The following KCND2 variants were observed in gnomAD, a reference collection of about 807,000 sequenced individuals.
The protein encoded by KCND2 is A-type voltage-gated potassium channel KCND2.
A neutral mutation model predicts 54.4 loss-of-function variants in KCND2; 16 were observed. That is an observed-to-expected ratio of 0.29 (90% CI 0.20 to 0.45). KCND2 has a LOEUF of 0.45. KCND2 is among the 20% of genes least tolerant of loss of function. The probability of loss-of-function intolerance (pLI) is 1.00; values close to 1 mark genes in which losing one functional copy is unlikely to be tolerated. For synonymous variants in KCND2, 317 were observed against 310.7 expected, an observed-to-expected ratio of 1.02 and a Z score of -0.21; for missense variants, 486 against 824.2, an observed-to-expected ratio of 0.59 and a Z score of 5.02.
intron 1 of KCND2, among the ~76,000 whole-genome samples, chr7:120,335,355 C>CAAAAAA (rs35404512): frequency 3.4e-5 from 2 of 58,398 alleles, no homozygotes; most frequent in African/African-American, 1.4e-4. Flanking sequence ...AAGACTCTAT[C>CAAAAAA]AAAAAAAAAA....
At chr7:120,579,104 G>T (rs1792479299) in intron 1 of KCND2, among the ~76,000 whole-genome samples, 1 of 151,814 alleles carries the variant, frequency 6.6e-6, no homozygotes, top group Non-Finnish European at 1.5e-5. Context: ...TGTTATTTAA[G>T]TTAAATGAAG....
intron 1 of KCND2, among the ~76,000 whole-genome samples, chr7:120,462,213 GT>G (rs138425653): frequency 8.3e-5 from 12 of 143,778 alleles, no homozygotes; most frequent in South Asian, 2.2e-4. Context: ...ATTCTTTTTT[GT>G]TTTTTTTTTG....
At chr7:120,508,690 T>G (rs1803065218) in intron 1 of KCND2, among the ~76,000 whole-genome samples, 1 of 152,014 alleles carries the variant, frequency 6.6e-6, no homozygotes, top group African/African-American at 2.4e-5. Context: ...CTTCACTGCA[T>G]AATGTTAATT....
intron 1 of KCND2, among the ~76,000 whole-genome samples, chr7:120,407,622 G>A (rs1011836862): frequency 3.8e-4 from 58 of 151,706 alleles, no homozygotes; most frequent in Admixed American, 3.3e-3. Context: ...TTACTATAAA[G>A]TTTATAATGC....
intron 1 of KCND2, among the ~76,000 whole-genome samples, chr7:120,427,463 A>G (rs1430990977): frequency 6.6e-6 from 1 of 152,232 alleles, no homozygotes; most frequent in Non-Finnish European, 1.5e-5. Flanking sequence ...AACATTCTTC[A>G]GACTATTAAC....
intron 1 of KCND2, among the ~76,000 whole-genome samples, chr7:120,301,618 C>T (rs1049019271): frequency 3.3e-5 from 5 of 151,914 alleles, no homozygotes; most frequent in African/African-American, 1.2e-4. Context: ...GGTTGCATGG[C>T]AGCCTAGTTT....
chr7:120,563,988 A>C (rs1301295155), intron 1 of KCND2, among the ~76,000 whole-genome samples: 1 of 152,196 alleles, frequency 6.6e-6, no homozygotes, highest in African/African-American at 2.4e-5. Context: ...CTTAAAGACA[A>C]AGTGTTTGTC....
intron 1 of KCND2, among the ~76,000 whole-genome samples, chr7:120,580,488 C>G (rs1792501386): frequency 6.6e-6 from 1 of 152,174 alleles, no homozygotes; most frequent in African/African-American, 2.4e-5. Flanking sequence ...AACTTGAAAA[C>G]TGGCAGAACC....
intron 1 of KCND2, among the ~76,000 whole-genome samples, chr7:120,486,512 A>G (rs1277527594): frequency 1.3e-5 from 2 of 152,244 alleles, no homozygotes; most frequent in East Asian, 3.9e-4. Flanking sequence ...GTACAGGGGA[A>G]GAGGACCAGA....
chr7:120,566,193 TGGA>T (rs1453317486), intron 1 of KCND2, among the ~76,000 whole-genome samples: 1 of 152,198 alleles, frequency 6.6e-6, no homozygotes, highest in Non-Finnish European at 1.5e-5. Flanking sequence ...GAGTTGTTCA[TGGA>T]TTGGGGAATA....
Position 120,594,759 on chromosome 7 carries a change from C to T in KCND2, c.1116-138144C>T, listed in dbSNP as rs541740021. On this transcript the variant is annotated intron_variant, in intron 1 of 5. Transcript: ENST00000331113. ...ACTGGAAGCCGGGTACTGTGGCTCA[C>T]GTCTGTAATCCCAGCACTTTGGGAG... Among the ~76,000 whole-genome samples, 24 of 152,238 alleles carry T rather than the reference C, an allele frequency of 1.6e-4. No homozygotes were observed. In the South Asian group the frequency reaches 3.5e-3, roughly 22 times the overall value.
chr7:120,745,836 T>C lies in KCND2; in HGVS notation c.1524T>C (p.Thr508=). 1 of 1,613,790 alleles carries C rather than the reference T, an allele frequency of 6.2e-7. No individual in the cohort carries two copies. The highest frequency in any genetic ancestry group is 8.5e-7 in the Non-Finnish European group (1 of 1,179,756). The part of the protein sequence containing the change: ...VFEESCMEVA[T]VNRPSSHSPS... ...AAGAAAGCTGCATGGAAGTTGCAAC[T>C]GTTAATCGTCCTTCAAGTCACAGTC... is the stretch of plus-strand genomic sequence containing the variant. Residue 508 remains threonine (T), a synonymous_variant, in exon 5 of 6, where the codon ACT becomes ACC. Transcript: ENST00000331113.
chr7:120,510,996 T>C (rs977463739), intron 1 of KCND2, among the ~76,000 whole-genome samples: 1 of 148,668 alleles, frequency 6.7e-6, no homozygotes, highest in Admixed American at 6.7e-5. Context: ...ACTTGACACC[T>C]TTCCCCATCT....
rs576068453 is a variant in KCND2 at position 120,311,698 on chromosome 7, A to T, written c.1115+35951A>T. Among the ~76,000 whole-genome samples the T allele has an allele frequency of 2.6e-5, 4 of 151,842 alleles. No homozygotes were observed. The South Asian group carries it at 8.3e-4, about 32-fold the overall frequency. ...GTATTAAGCCTAGTACTCATTAGTT[A>T]TTTTTTCTGATCTTCCTCCCCCACC... On this transcript the variant is annotated intron_variant, in intron 1 of 5. Coordinates refer to ENST00000331113, the MANE Select transcript of KCND2 (RefSeq NM_012281.3).
chr7:120,382,434 T>A (rs1300478214), intron 1 of KCND2, among the ~76,000 whole-genome samples: 1 of 151,934 alleles, frequency 6.6e-6, no homozygotes, highest in African/African-American at 2.4e-5. Context: ...ATTTTTGTAA[T>A]AAATGAACTA....
chr7:120,277,096 A>C (rs1307110118), intron 1 of KCND2, among the ~76,000 whole-genome samples: 4 of 152,144 alleles, frequency 2.6e-5, no homozygotes, highest in Non-Finnish European at 5.9e-5. Context: ...TGGCCAGCTA[A>C]TGGAATAGTT....
At chr7:120,463,867 G>T (rs1802323389) in intron 1 of KCND2, among the ~76,000 whole-genome samples, 1 of 151,526 alleles carries the variant, frequency 6.6e-6, no homozygotes, top group African/African-American at 2.4e-5. Flanking sequence ...TGAAGGGTAA[G>T]AATTGAAAGG....
chr7:120,724,297 A>G (rs1792705286), intron 1 of KCND2, among the ~76,000 whole-genome samples: 1 of 152,200 alleles, frequency 6.6e-6, no homozygotes, highest in South Asian at 2.1e-4. Context: ...AGGCATAGCA[A>G]AGGGAGAGTG....
At chr7:120,687,995 G>A (rs1792225600) in intron 1 of KCND2, among the ~76,000 whole-genome samples, 2 of 152,132 alleles carry the variant, frequency 1.3e-5, no homozygotes, top group African/African-American at 4.8e-5. Context: ...TTTGGACTGT[G>A]AGGCTAAATC....
Sources: allele counts gnomAD v4.1 joint callset (sites outside exome capture counted in the v4.1 genomes callset), GRCh38; gene constraint gnomAD v4.1.1; transcripts MANE v1.5; gene names NCBI Gene and HGNC (gene_info 2026-07-23, HGNC 2026-07-21).